The following SNX3 variants were observed in gnomAD, a reference collection of about 807,000 sequenced individuals.
SNX3 encodes the protein sorting nexin-3.
A neutral mutation model predicts 17.7 loss-of-function variants in SNX3; 5 were observed. The observed-to-expected ratio is 0.28, with a 90% CI of 0.15 to 0.59. SNX3 has a LOEUF of 0.59. Ranked by LOEUF, SNX3 falls within the 20% of genes least tolerant of loss-of-function variation. The pLI, the probability that SNX3 is intolerant of heterozygous loss-of-function variation, is 0.88. For missense variants in SNX3, 132 were observed against 206.8 expected, an observed-to-expected ratio of 0.64 and a Z score of 2.22; for synonymous variants, 91 against 76.5, an observed-to-expected ratio of 1.19 and a Z score of -0.99.
intron 1 of SNX3, among the ~76,000 whole-genome samples, chr6:108,256,287 A>G (rs567431889): frequency 1.8e-4 from 28 of 152,188 alleles, no homozygotes; most frequent in Non-Finnish European, 3.5e-4. Flanking sequence ...AAGATAGCTT[A>G]TTTTTATACC....
intron 1 of SNX3, among the ~76,000 whole-genome samples, chr6:108,247,840 G>C (rs1188425744): frequency 2.0e-5 from 3 of 151,992 alleles, no homozygotes; most frequent in Non-Finnish European, 4.4e-5. Flanking sequence ...GCTCATGCCT[G>C]TAATCCCAGC....
chr6:108,241,628 T>C (rs571161415), intron 1 of SNX3, among the ~76,000 whole-genome samples: 3 of 149,634 alleles, frequency 2.0e-5, no homozygotes, highest in South Asian at 4.3e-4. Context: ...AAAAAAAAAA[T>C]TGATCCGTGC....
At chr6:108,250,615 A>T (rs1183425627) in intron 1 of SNX3, among the ~76,000 whole-genome samples, 1 of 152,206 alleles carries the variant, frequency 6.6e-6, no homozygotes, top group Admixed American at 6.6e-5. Context: ...GAAGATAACC[A>T]GTAAAGTCAA....
intron 1 of SNX3, among the ~76,000 whole-genome samples, chr6:108,244,650 T>TG (rs1775627857): frequency 7.3e-6 from 1 of 136,650 alleles, no homozygotes; most frequent in South Asian, 2.5e-4. Context: ...GTAAGGAGTT[T>TG]TTTTTTTTTT....
chr6:108,221,563 T>TTTTTTTTA (rs58474961), intron 2 of SNX3, among the ~76,000 whole-genome samples: 1 of 119,794 alleles, frequency 8.3e-6, no homozygotes. Context: ...TTTTTTTTTT[T>TTTTTTTTA]GAGACAGGGC....
intron 1 of SNX3, among the ~76,000 whole-genome samples, chr6:108,236,104 A>C (rs1169339774): frequency 1.3e-5 from 2 of 152,158 alleles, no homozygotes; most frequent in African/African-American, 4.8e-5. Flanking sequence ...TGCTAAAGAA[A>C]GGTAAGATTC....
intron 1 of SNX3, among the ~76,000 whole-genome samples, chr6:108,243,480 T>C (rs1775584365): frequency 6.6e-6 from 1 of 152,198 alleles, no homozygotes; most frequent in African/African-American, 2.4e-5. Context: ...GTAAGCATGA[T>C]GATTGGGTTT....
At chr6:108,214,739 G>C in intron 2 of SNX3, 117 bp from the exon 3 acceptor site, 1 of 1,113,244 alleles carries the variant, frequency 9.0e-7, no homozygotes. Flanking sequence ...GGTCAAACTA[G>C]TTGAAATATA....
chr6:108,214,195 G>C (rs1431695025), intron 3 of SNX3, among the ~76,000 whole-genome samples: 1 of 152,118 alleles, frequency 6.6e-6, no homozygotes, highest in African/African-American at 2.4e-5. Flanking sequence ...CCTTAAATCA[G>C]AAAGAATCAT....
intron 1 of SNX3, among the ~76,000 whole-genome samples, chr6:108,230,542 T>TTC (rs1303853066): frequency 2.0e-5 from 3 of 152,174 alleles, no homozygotes; most frequent in Non-Finnish European, 4.4e-5. Context: ...AACCAAAAAG[T>TTC]AAGCCACAGC....
In SNX3 at chr6:108,212,085, A is replaced by G. The variant is rs540729446; in HGVS notation, c.*64T>C. 1.5e-4 allele frequency: 121 copies of G among 823,276 alleles called. No individual in the cohort carries two copies. The South Asian group carries it at 1.9e-3, about 13-fold the overall frequency. 51.0% of individuals were successfully genotyped at this position (823,276 alleles called of 1,614,324 possible). A position where few individuals can be genotyped will look rare whatever the true frequency, so the allele number is the denominator to read the frequency against. ...GTTTCTGTGCAGCATGCTAAAAGTT[A>G]GAACTTCTTCACTGGTGCTTATCAA... On this transcript the variant is annotated 3_prime_UTR_variant, in exon 4 of 4. Coordinates refer to ENST00000230085, the MANE Select transcript of SNX3 (RefSeq NM_003795.6).
At chr6:108,228,231 C>T (rs147648177) in intron 1 of SNX3, among the ~76,000 whole-genome samples, 1 of 151,880 alleles carries the variant, frequency 6.6e-6, no homozygotes, top group Non-Finnish European at 1.5e-5. Flanking sequence ...ATGGTGAGAC[C>T]CCCATCTCTA....
intron 1 of SNX3, among the ~76,000 whole-genome samples, chr6:108,249,600 TCTTTC>T (rs1775789806): frequency 6.6e-6 from 1 of 152,174 alleles, no homozygotes; most frequent in South Asian, 2.1e-4. Context: ...GCACCAACTT[TCTTTC>T]CTTTATGTGG....
Position 108,212,213 on chromosome 6 carries a change from T to C in SNX3, c.425A>G (p.His142Arg), listed in dbSNP as rs1261394936. 1 of 1,611,438 alleles carries C rather than the reference T, an allele frequency of 6.2e-7. No homozygotes were observed. Among genetic ancestry groups the C allele is most frequent in the Non-Finnish European group, 8.5e-7 (1 of 1,179,134 alleles). The stretch of plus-strand genomic sequence containing the variant: ...TATTATTTCATCTTGTAAAAACATG[T>C]GAAGACAACGTTCGTTCTGTGCCAG... ...HPLAQNERCL[H>R]MFLQDEIIDK... Residue 142 changes from histidine to arginine, a missense_variant, in exon 4 of 4, where the codon CAC (histidine) becomes CGC (arginine). By Grantham distance (29) the His-to-Arg change is conservative (BLOSUM62 0). Coordinates refer to ENST00000230085, the MANE Select transcript of SNX3 (RefSeq NM_003795.6).
At chr6:108,233,323 T>A (rs1775226999) in intron 1 of SNX3, among the ~76,000 whole-genome samples, 1 of 152,208 alleles carries the variant, frequency 6.6e-6, no homozygotes, top group Non-Finnish European at 1.5e-5. Context: ...AGGCTTATGC[T>A]GAAATAAAAC....
At position 108,260,943 on chromosome 6, in the gene SNX3, G is replaced by GCCGCGGGCTCCCTCCGCCCCCT. The variant is rs758398711; in HGVS notation, c.-44_-23dup. 14 of 1,544,722 alleles carry GCCGCGGGCTCCCTCCGCCCCCT rather than the reference G, an allele frequency of 9.1e-6. No homozygotes were observed. Among genetic ancestry groups the GCCGCGGGCTCCCTCCGCCCCCT allele is most frequent in the African/African-American group, 1.4e-5 (1 of 70,384 alleles). ...CCATTTCGCTGTAGCTGCTGCCGCC[G>GCCGCGGGCTCCCTCCGCCCCCT]CCGCGGGCTCCCTCCGCCCCCTCCG... On this transcript the variant is annotated 5_prime_UTR_variant, in exon 1 of 4. Transcript: ENST00000230085.
chr6:108,216,621 A>G (rs1774587420), intron 2 of SNX3, among the ~76,000 whole-genome samples: 1 of 152,250 alleles, frequency 6.6e-6, no homozygotes, highest in African/African-American at 2.4e-5. Context: ...AAATATATAT[A>G]GTAAACTGAT....
At chr6:108,228,062 T>C (rs971783599) in intron 1 of SNX3, among the ~76,000 whole-genome samples, 3 of 152,026 alleles carry the variant, frequency 2.0e-5, no homozygotes, top group Non-Finnish European at 4.4e-5. Context: ...TTATGAAACA[T>C]ACACCAATCA....
In SNX3 at chr6:108,235,480, T is replaced by G. The variant is rs185680647; in HGVS notation, c.163-12435A>C. 5.9e-5 allele frequency among the ~76,000 whole-genome samples: 9 copies of G among 152,320 alleles called. No individual in the cohort carries two copies. In the East Asian group the frequency reaches 1.7e-3, roughly 29 times the overall value. ...GTAACTGTTTTCGGTCACCAACTTT[T>G]AGGGTTTTTACATAGCAATAATCAA... On this transcript the variant is annotated intron_variant, in intron 1 of 3. Transcript: ENST00000230085.
Sources: gnomAD v4.1 joint callset for allele counts (sites outside exome capture counted in the v4.1 genomes callset) on GRCh38, gnomAD v4.1.1 for gene constraint, MANE v1.5 for transcripts, NCBI Gene and HGNC (gene_info 2026-07-23, HGNC 2026-07-21) for gene names.